BMPR1B: variants seen among roughly 807,000 people sequenced by gnomAD.
BMPR1B encodes the protein bone morphogenetic protein receptor type 1B.
A neutral mutation model predicts 59.1 loss-of-function variants in BMPR1B; 12 were observed. The ratio of observed to expected loss-of-function variants is 0.20; its 90% confidence interval spans 0.13 to 0.33. BMPR1B has a LOEUF of 0.33. Ranked by LOEUF, BMPR1B falls within the 10% of genes least tolerant of loss-of-function variation. BMPR1B has a pLI of 1.00. For synonymous variants in BMPR1B, 237 were observed against 207.3 expected (o/e 1.14, Z -1.23); for missense variants, 550 against 610.9 (o/e 0.90, Z 1.05).
chr4:95,023,647 A>C (rs964865720), intron 3 of BMPR1B, among the ~76,000 whole-genome samples: 12 of 152,080 alleles, frequency 7.9e-5, no homozygotes, highest in African/African-American at 2.7e-4. Context: ...TTAGCCTCCT[A>C]AAGTGCTGAG....
At chr4:94,967,769 C>T (rs555751450) in intron 2 of BMPR1B, among the ~76,000 whole-genome samples, 1 of 152,314 alleles carries the variant, frequency 6.6e-6, no homozygotes, top group African/African-American at 2.4e-5. Context: ...AGGCATGAGC[C>T]ACTGCGCCTG....
chr4:94,981,276 T>C (rs189296152), intron 2 of BMPR1B, among the ~76,000 whole-genome samples: 430 of 152,108 alleles, frequency 2.8e-3, no homozygotes, highest in Middle Eastern at 0.01. Context: ...CAATCACTGC[T>C]CACTGCAGCC....
At chr4:95,044,824 A>C (rs1200239868) in intron 3 of BMPR1B, among the ~76,000 whole-genome samples, 1 of 152,156 alleles carries the variant, frequency 6.6e-6, no homozygotes, top group Non-Finnish European at 1.5e-5. Flanking sequence ...TGGTCTTTAT[A>C]AACTCCAAAG....
intron 1 of BMPR1B, among the ~76,000 whole-genome samples, chr4:94,842,405 C>T (rs1263027157): frequency 6.6e-6 from 1 of 151,990 alleles, no homozygotes; most frequent in African/African-American, 2.4e-5. Flanking sequence ...ATACCACATC[C>T]TAGATAGATT....
intron 1 of BMPR1B, among the ~76,000 whole-genome samples, chr4:94,768,360 AAACAAC>A (rs138425173): frequency 7.2e-5 from 11 of 151,930 alleles, no homozygotes; most frequent in Admixed American, 1.3e-4. Context: ...TCTCCTTAAA[AAACAAC>A]AACAACAACA....
chr4:95,030,473 C>G (rs1724753355), intron 3 of BMPR1B, among the ~76,000 whole-genome samples: 1 of 151,960 alleles, frequency 6.6e-6, no homozygotes, highest in African/African-American at 2.4e-5. Flanking sequence ...TCAGGGATGC[C>G]CTCTCTCACC....
intron 1 of BMPR1B, among the ~76,000 whole-genome samples, chr4:94,771,810 A>G (rs913652341): frequency 2.6e-5 from 4 of 152,204 alleles, no homozygotes; most frequent in African/African-American, 9.7e-5. Flanking sequence ...AGCCCAGGTA[A>G]CTTGCTAACG....
chr4:95,114,686 A>G (rs751756955), intron 4 of BMPR1B, 34 bp from the exon 5 acceptor site: 1 of 1,547,562 alleles, frequency 6.5e-7, no homozygotes, highest in South Asian at 1.1e-5. Context: ...ACACACACAC[A>G]TTCTGTTTCT....
intron 2 of BMPR1B, among the ~76,000 whole-genome samples, chr4:94,981,221 T>C (rs1271485407): frequency 5.2e-5 from 7 of 134,276 alleles, no homozygotes; most frequent in African/African-American, 1.9e-4. Context: ...TTTTTTTTTT[T>C]GAGATGAGGG....
intron 2 of BMPR1B, among the ~76,000 whole-genome samples, chr4:94,961,723 T>C (rs1000354416): frequency 6.6e-6 from 1 of 152,220 alleles, no homozygotes; most frequent in Non-Finnish European, 1.5e-5. Context: ...ATTCTCTATG[T>C]TCTTTCCATA....
intron 2 of BMPR1B, among the ~76,000 whole-genome samples, chr4:94,942,648 G>A (rs986299755): frequency 6.6e-6 from 1 of 152,178 alleles, no homozygotes; most frequent in African/African-American, 2.4e-5. Context: ...CAGATACTAT[G>A]TTAAAATGTC....
chr4:94,992,470 A>C (rs1340984932), intron 2 of BMPR1B, among the ~76,000 whole-genome samples: 2 of 152,224 alleles, frequency 1.3e-5, no homozygotes, highest in Non-Finnish European at 2.9e-5. Context: ...TATTAGTCAC[A>C]TGACTTCAGA....
intron 3 of BMPR1B, among the ~76,000 whole-genome samples, chr4:95,030,728 A>T (rs1197990208): frequency 6.6e-6 from 1 of 151,988 alleles, no homozygotes. Context: ...CACCAATAAC[A>T]GACAAACAGA....
At chr4:94,984,305 T>C (rs1039545160) in intron 2 of BMPR1B, among the ~76,000 whole-genome samples, 4 of 152,222 alleles carry the variant, frequency 2.6e-5, no homozygotes, top group East Asian at 1.9e-4. Context: ...ACACCTGATA[T>C]GCATTTTAAA....
rs142157991 is a variant in BMPR1B, at chr4:95,088,307, A to G, written c.-17-16101A>G. Among the ~76,000 whole-genome samples, 1,322 of 152,270 alleles carry G rather than the reference A, an allele frequency of 8.7e-3. 62 individuals carry two copies. Among genetic ancestry groups the G allele is most frequent in the Admixed American group, 0.067 (1,029 of 15,288 alleles). ...GTCTCTCTGCTTATACTTTCCTGCTAGTGAGGAGCCACTGAACTCCACAGA... is the reference window on the plus strand; with the variant it reads ...GTCTCTCTGCTTATACTTTCCTGCTGGTGAGGAGCCACTGAACTCCACAGA... On this transcript the variant is annotated intron_variant, in intron 3 of 12. Transcript: ENST00000515059.
At chr4:95,076,520 C>T (rs987575474) in intron 3 of BMPR1B, among the ~76,000 whole-genome samples, 1 of 152,006 alleles carries the variant, frequency 6.6e-6, no homozygotes, top group Admixed American at 6.6e-5. Flanking sequence ...TTATATGAGG[C>T]AAACTGTTCT....
At chr4:94,852,152 A>G (rs1463541931) in intron 1 of BMPR1B, among the ~76,000 whole-genome samples, 1 of 152,144 alleles carries the variant, frequency 6.6e-6, no homozygotes, top group East Asian at 1.9e-4. Flanking sequence ...CTACAAGTGG[A>G]TTAGGTGTAA....
intron 3 of BMPR1B, among the ~76,000 whole-genome samples, chr4:95,083,999 AT>A (rs1228438713): frequency 6.6e-6 from 1 of 151,998 alleles, no homozygotes; most frequent in Non-Finnish European, 1.5e-5. Context: ...ATGTCCTGAC[AT>A]TTTCCCCTTT....
intron 2 of BMPR1B, among the ~76,000 whole-genome samples, chr4:94,953,519 A>C (rs1003240607): frequency 2.5e-4 from 38 of 152,136 alleles, no homozygotes; most frequent in African/African-American, 8.7e-4. Flanking sequence ...TTCACTTATA[A>C]AGCTTAGTTT....
Sources: gnomAD v4.1 joint callset for allele counts (sites outside exome capture counted in the v4.1 genomes callset) on GRCh38, gnomAD v4.1.1 for gene constraint, MANE v1.5 for transcripts, NCBI Gene and HGNC (gene_info 2026-07-23, HGNC 2026-07-21) for gene names.